The following SPIN1 variants were observed in gnomAD, a reference collection of about 807,000 sequenced individuals.
SPIN1 encodes spindlin-1.
Under a neutral mutation model 26.0 loss-of-function variants are expected in SPIN1, and 3 were observed. That is an observed-to-expected ratio of 0.12 (90% CI 0.05 to 0.30). The LOEUF (loss-of-function observed/expected upper bound fraction) is 0.30. Ranked by LOEUF, SPIN1 falls within the 10% of genes least tolerant of loss-of-function variation. The pLI is 1.00. For missense variants in SPIN1, 126 were observed against 333.4 expected, an observed-to-expected ratio of 0.38 and a Z score of 4.84; for synonymous variants, 101 against 116.5, an observed-to-expected ratio of 0.87 and a Z score of 0.86.
At chr9:88,416,519 A>G (rs987815823) in intron 1 of SPIN1, 5 of 152,202 alleles carry the variant, frequency 3.3e-5, no homozygotes, top group African/African-American at 1.2e-4. Flanking sequence ...TGTCTTAGTT[A>G]CAAACTTAAC....
At position 88,410,188 on chromosome 9, in the gene SPIN1, T is replaced by TGTGTGC. The variant is rs4029765; in HGVS notation, c.-158-16193_-158-16192insTGTGCG. 6.1e-3 allele frequency among the ~76,000 whole-genome samples: 869 copies of TGTGTGC among 142,964 alleles called. 12 individuals are homozygous for TGTGTGC. The highest frequency in any genetic ancestry group is 0.021 in the African/African-American group (732 of 34,548). The allele number at this position is 142,964 out of a possible 152,430, so 93.8% of individuals were successfully genotyped here. ...GTGTGTGTGTGTGTGTGTGTGTGTG[T>TGTGTGC]GCAACTTTTTTTTTTTTTAAAGACA... On this transcript the variant is annotated intron_variant, in intron 1 of 5. Coordinates refer to ENST00000375859, the MANE Select transcript of SPIN1 (RefSeq NM_006717.3).
chr9:88,441,398 C>CGCGTGTGT lies in SPIN1; in HGVS notation c.53-7542_53-7541insCGTGTGTG, dbSNP rs757363030. Among the ~76,000 whole-genome samples the CGCGTGTGT allele has an allele frequency of 6.3e-3, 862 of 137,800 alleles. 20 individuals carry two copies. Among genetic ancestry groups the CGCGTGTGT allele is most frequent in the African/African-American group, 0.026 (815 of 31,030 alleles). The allele number at this position is 137,800 out of a possible 152,430, so 90.4% of individuals were successfully genotyped here. On this transcript the variant is annotated intron_variant, in intron 2 of 5. Transcript: ENST00000375859. ...TGGTTGTATCATCATTGCTGCCATT[C>CGCGTGTGT]GTGTGTGTGTGTGTGTGCGCGCGCG...
At position 88,458,666 on chromosome 9, in the gene SPIN1, T is replaced by TAG. The variant is rs369894587; in HGVS notation, c.102-3818_102-3817dup. Among the ~76,000 whole-genome samples the TAG allele has an allele frequency of 2.0e-5, 3 of 151,864 alleles. 1 individual carries two copies. The highest frequency in any genetic ancestry group is 1.3e-4 in the Admixed American group (2 of 15,226). On this transcript the variant is annotated intron_variant, in intron 3 of 5. Coordinates refer to ENST00000375859, the MANE Select transcript of SPIN1 (RefSeq NM_006717.3). ...TCAAGGGTAGAAAATTTCATGCCTC[T>TAG]AGAGAGAGAGAGAAAAACACATGAG...
chr9:88,462,390 A>G (rs1336415868), intron 3 of SPIN1, 106 bp from the exon 4 acceptor site: 3 of 1,458,526 alleles, frequency 2.1e-6, no homozygotes, highest in East Asian at 2.3e-5. Flanking sequence ...GTTTGTACAT[A>G]TTTTGGGACC....
chr9:88,411,569 A>C, intron 1 of SPIN1: 2 of 601,840 alleles, frequency 3.3e-6, no homozygotes, highest in South Asian at 4.4e-5. Flanking sequence ...GCTAGAGTGC[A>C]GTGGCATGAT....
At chr9:88,457,806 C>A in intron 3 of SPIN1, 1 of 975,094 alleles carries the variant, frequency 1.0e-6, no homozygotes, top group African/African-American at 1.8e-5. Flanking sequence ...TCTAGAAAGA[C>A]AGAATATACA....
At chr9:88,425,794 T>A (rs912237060) in intron 1 of SPIN1, among the ~76,000 whole-genome samples, 16 of 152,144 alleles carry the variant, frequency 1.1e-4, no homozygotes, top group African/African-American at 3.9e-4. Flanking sequence ...TCTGGAAGCT[T>A]GTGAGCAGAA....
In SPIN1 at chr9:88,388,458, C is replaced by T. The variant is rs1433350961; in HGVS notation, c.-239C>T. 4 of 147,816 alleles carry T rather than the reference C, an allele frequency of 2.7e-5. No individual in the cohort carries two copies. The highest frequency in any genetic ancestry group is 7.3e-5 in the African/African-American group (3 of 40,970). 9.2% of individuals were successfully genotyped at this position (147,816 alleles called of 1,614,324 possible). A position where few individuals can be genotyped will look rare whatever the true frequency, so the allele number is the denominator to read the frequency against. Reference sequence around the variant, plus strand: ...GCGGGGGCGGGGAGGCGCCGTCTGGCTCAGGCTGGGGCCGGCGGGAGCGCG... The same window carrying T: ...GCGGGGGCGGGGAGGCGCCGTCTGGTTCAGGCTGGGGCCGGCGGGAGCGCG... On this transcript the variant is annotated 5_prime_UTR_variant, in exon 1 of 6. Transcript: ENST00000375859.
At chr9:88,428,449 G>A (rs1278641968) in intron 2 of SPIN1, among the ~76,000 whole-genome samples, 4 of 152,140 alleles carry the variant, frequency 2.6e-5, no homozygotes. Flanking sequence ...TTCTCTTTCT[G>A]CATTAGTTCA....
At chr9:88,437,204 A>T (rs1828020088) in intron 2 of SPIN1, among the ~76,000 whole-genome samples, 1 of 152,138 alleles carries the variant, frequency 6.6e-6, no homozygotes, top group African/African-American at 2.4e-5. Context: ...AGTTTTGAAT[A>T]AAGCTGCTAT....
At chr9:88,449,021 G>A in intron 3 of SPIN1, 32 bp downstream of exon 3, 1 of 1,609,022 alleles carries the variant, frequency 6.2e-7, no homozygotes, top group Non-Finnish European at 8.5e-7. Flanking sequence ...TCTAGATAGT[G>A]TTTTGTGACC....
intron 1 of SPIN1, among the ~76,000 whole-genome samples, chr9:88,423,003 C>T (rs1208687869): frequency 6.6e-6 from 1 of 152,188 alleles, no homozygotes; most frequent in African/African-American, 2.4e-5. Flanking sequence ...GCCACCACAC[C>T]CAGCTGAGGG....
intron 1 of SPIN1, among the ~76,000 whole-genome samples, chr9:88,389,741 A>T (rs925547718): frequency 1.3e-5 from 2 of 152,230 alleles, no homozygotes; most frequent in Non-Finnish European, 2.9e-5. Flanking sequence ...TTCTGGAAGG[A>T]ATTCCATGCA....
chr9:88,419,660 T>C (rs916609593), intron 1 of SPIN1, among the ~76,000 whole-genome samples: 2 of 152,206 alleles, frequency 1.3e-5, no homozygotes, highest in African/African-American at 4.8e-5. Flanking sequence ...AAATTTGAAC[T>C]GAAATAAAAG....
At chr9:88,423,873 C>G (rs544441767) in intron 1 of SPIN1, among the ~76,000 whole-genome samples, 2 of 152,218 alleles carry the variant, frequency 1.3e-5, no homozygotes, top group Admixed American at 1.3e-4. Flanking sequence ...TCAAGTGATT[C>G]TCCTGCCTCA....
intron 4 of SPIN1, among the ~76,000 whole-genome samples, chr9:88,466,512 T>G (rs1564043933): frequency 6.6e-6 from 1 of 152,204 alleles, no homozygotes; most frequent in Admixed American, 6.5e-5. Context: ...ATCTACTGGC[T>G]TTAAGAAACT....
chr9:88,397,242 A>C (rs1156995896), intron 1 of SPIN1, among the ~76,000 whole-genome samples: 1 of 152,126 alleles, frequency 6.6e-6, no homozygotes, highest in African/African-American at 2.4e-5. Context: ...CGTAGCTTAA[A>C]ACAGCCTCAT....
At chr9:88,449,972 G>A (rs1364264712) in intron 3 of SPIN1, among the ~76,000 whole-genome samples, 1 of 152,134 alleles carries the variant, frequency 6.6e-6, no homozygotes, top group East Asian at 1.9e-4. Context: ...TAGTGATTGG[G>A]CGAAACAAAA....
chr9:88,417,990 C>T (rs182099525), intron 1 of SPIN1, among the ~76,000 whole-genome samples: 1 of 152,320 alleles, frequency 6.6e-6, no homozygotes, highest in African/African-American at 2.4e-5. Flanking sequence ...TGGAACTCCC[C>T]TGCCTACTCT....
Sources: gnomAD v4.1 joint callset for allele counts (sites outside exome capture counted in the v4.1 genomes callset) on GRCh38, gnomAD v4.1.1 for gene constraint, MANE v1.5 for transcripts, NCBI Gene and HGNC (gene_info 2026-07-23, HGNC 2026-07-21) for gene names.